Variants in RNF150 observed in about 807,000 individuals in gnomAD.
RNF150 encodes the protein ring finger protein 150.
A neutral mutation model predicts 39.3 loss-of-function variants in RNF150; 24 were observed. The ratio of observed to expected loss-of-function variants is 0.61; its 90% confidence interval spans 0.44 to 0.86. RNF150 has a LOEUF of 0.86. RNF150 is among the 40% of genes least tolerant of loss of function. The pLI, the probability that RNF150 is intolerant of heterozygous loss-of-function variation, is 0.00. For synonymous variants in RNF150, 255 were observed against 227.3 expected, an observed-to-expected ratio of 1.12 and a Z score of -1.10; for missense variants, 502 against 587.8, an observed-to-expected ratio of 0.85 and a Z score of 1.51.
chr4:140,968,804 G>T (rs1733349886), intron 1 of RNF150, among the ~76,000 whole-genome samples: 1 of 151,250 alleles, frequency 6.6e-6, no homozygotes. Context: ...GCCCCTACAA[G>T]GAGTTCTTCA....
chr4:140,977,022 C>T (rs764827219), intron 1 of RNF150, among the ~76,000 whole-genome samples: 3 of 151,752 alleles, frequency 2.0e-5, no homozygotes, highest in Non-Finnish European at 4.4e-5. Flanking sequence ...CATTCTAAAT[C>T]AGTGATGTTA....
chr4:140,868,332 T>A lies in RNF150; in HGVS notation c.1246A>T (p.Met416Leu). ...VSSDSDISLI[M>L]AMEVGLSDVE... The stretch of plus-strand genomic sequence containing the variant: ...TCAGACAGTCCAACCTCCATTGCCA[T>A]GATCAAGGAAATGTCAGAATCACTG... The change falls in exon 7 of 7, where the codon ATG becomes TTG. Residue 416 changes from methionine to leucine, a missense_variant. Transcript: ENST00000515673. 6.2e-7 allele frequency: 1 copy of A among 1,613,690 alleles called. No homozygotes were observed. Among genetic ancestry groups the A allele is most frequent in the Non-Finnish European group, 8.5e-7 (1 of 1,179,582 alleles).
chr4:140,985,217 A>G (rs1733980788), intron 1 of RNF150, among the ~76,000 whole-genome samples: 2 of 152,164 alleles, frequency 1.3e-5, no homozygotes, highest in South Asian at 4.1e-4. Flanking sequence ...CATGAATTAC[A>G]TGAATTTTGC....
chr4:140,929,428 G>T (rs1391590682), intron 4 of RNF150, among the ~76,000 whole-genome samples: 1 of 139,220 alleles, frequency 7.2e-6, no homozygotes, highest in African/African-American at 2.7e-5. Flanking sequence ...GTGCAGTGGC[G>T]CGATCTCGGC....
At chr4:141,112,560 C>A (rs1404622692) in intron 1 of RNF150, among the ~76,000 whole-genome samples, 2 of 152,158 alleles carry the variant, frequency 1.3e-5, no homozygotes, top group Admixed American at 6.5e-5. Flanking sequence ...GGCCCCCACT[C>A]TCTTCTGGTT....
chr4:141,070,309 A>G (rs1158010003), intron 1 of RNF150, among the ~76,000 whole-genome samples: 3 of 152,048 alleles, frequency 2.0e-5, no homozygotes, highest in African/African-American at 7.2e-5. Context: ...ACCATTCAGG[A>G]CATAGGCATG....
chr4:141,138,794 G>C (rs778615788), intron 1 of RNF150, among the ~76,000 whole-genome samples: 60 of 152,200 alleles, frequency 3.9e-4, no homozygotes, highest in Non-Finnish European at 6.5e-4. Context: ...ATTATTGGAA[G>C]ATTCCAAAGG....
intron 5 of RNF150, among the ~76,000 whole-genome samples, chr4:140,923,747 T>C (rs1200023758): frequency 1.3e-5 from 2 of 152,142 alleles, no homozygotes; most frequent in African/African-American, 2.4e-5. Flanking sequence ...ATAGACTGTA[T>C]TAAGAAAATG....
intron 1 of RNF150, among the ~76,000 whole-genome samples, chr4:141,030,050 G>C (rs34596024): frequency 0.051 from 7,688 of 152,074 alleles, 268 homozygotes; most frequent in Non-Finnish European, 0.075. Context: ...CAAAAAATTA[G>C]CCAGGTGTGG....
At chr4:141,030,433 C>T (rs1735896564) in intron 1 of RNF150, among the ~76,000 whole-genome samples, 1 of 152,080 alleles carries the variant, frequency 6.6e-6, no homozygotes. Flanking sequence ...CTCCAGGAAT[C>T]ATATGATATG....
intron 2 of RNF150, among the ~76,000 whole-genome samples, chr4:140,958,629 C>T (rs1732880496): frequency 1.3e-5 from 2 of 152,162 alleles, no homozygotes; most frequent in African/African-American, 2.4e-5. Context: ...AGTGAAATGA[C>T]AGCCAGGTGT....
chr4:141,013,586 CT>C (rs1409954919), intron 1 of RNF150, among the ~76,000 whole-genome samples: 1 of 152,204 alleles, frequency 6.6e-6, no homozygotes, highest in East Asian at 1.9e-4. Context: ...CAAATATTTG[CT>C]CTTTCTTCAC....
intron 6 of RNF150, among the ~76,000 whole-genome samples, chr4:140,909,406 T>A (rs1293152494): frequency 6.6e-6 from 1 of 151,802 alleles, no homozygotes; most frequent in African/African-American, 2.4e-5. Context: ...CTTAATAGTT[T>A]TAAATATTGT....
intron 6 of RNF150, among the ~76,000 whole-genome samples, chr4:140,885,041 T>C (rs1455760162): frequency 1.3e-5 from 2 of 152,136 alleles, no homozygotes; most frequent in East Asian, 3.9e-4. Flanking sequence ...CTTAAGTCCG[T>C]TGGTATCTCC....
At chr4:140,960,239 T>A (rs1358023902) in intron 2 of RNF150, among the ~76,000 whole-genome samples, 1 of 152,128 alleles carries the variant, frequency 6.6e-6, no homozygotes, top group Non-Finnish European at 1.5e-5. Flanking sequence ...GAACTCACCA[T>A]CCAAACTGGA....
At chr4:141,177,666 T>C (rs1727836498) in intron 1 of RNF150, among the ~76,000 whole-genome samples, 1 of 152,172 alleles carries the variant, frequency 6.6e-6, no homozygotes, top group Admixed American at 6.5e-5. Context: ...ATATTATTTT[T>C]CACACTCAGT....
intron 1 of RNF150, among the ~76,000 whole-genome samples, chr4:141,158,318 C>G (rs1727450142): frequency 6.6e-6 from 1 of 151,894 alleles, no homozygotes; most frequent in Non-Finnish European, 1.5e-5. Context: ...AAAAACAAAA[C>G]AAAGAACAAC....
rs748636212 is a variant in RNF150, at chr4:141,132,588, C to G, written c.221G>C (p.Cys74Ser). ...GAELHTEKTECGRYGEHSPKQ... is the reference protein window; with the variant it reads ...GAELHTEKTESGRYGEHSPKQ... Reference sequence around the variant, plus strand: ...GGGCGAGTGCTCTCCGTAGCGCCCGCACTCCGTCTTCTCCGTGTGCAGCTC... The same window carrying G: ...GGGCGAGTGCTCTCCGTAGCGCCCGGACTCCGTCTTCTCCGTGTGCAGCTC... The change falls in exon 1 of 7, where the codon TGC becomes TCC. Residue 74 changes from cysteine to serine, a missense_variant. Cys to Ser is a moderately radical substitution (Grantham distance 112). Transcript: ENST00000515673. The surrounding 1 kb of genome is among the most constrained non-coding windows in gnomAD (Gnocchi z 4.9). 3.1e-5 allele frequency: 48 copies of G among 1,571,618 alleles called. No homozygotes were observed. The highest frequency in any genetic ancestry group is 4.1e-5 in the Non-Finnish European group (47 of 1,159,290).
intron 1 of RNF150, among the ~76,000 whole-genome samples, chr4:141,054,866 A>C (rs1418575107): frequency 6.6e-6 from 1 of 152,192 alleles, no homozygotes; most frequent in African/African-American, 2.4e-5. Flanking sequence ...TCGAATTGAA[A>C]CTACAATCAT....
Sources: gnomAD v4.1 joint callset for allele counts (sites outside exome capture counted in the v4.1 genomes callset) on GRCh38, gnomAD v4.1.1 for gene constraint, Gnocchi (gnomAD v3.1) non-coding constraint, MANE v1.5 for transcripts, NCBI Gene and HGNC (gene_info 2026-07-23, HGNC 2026-07-21) for gene names.